Variants in SCAMP1 observed in about 807,000 individuals in gnomAD.
SCAMP1 encodes secretory carrier-associated membrane protein 1.
A neutral mutation model predicts 41.8 loss-of-function variants in SCAMP1; 15 were observed. That is an observed-to-expected ratio of 0.36 (90% CI 0.24 to 0.55). The LOEUF is 0.55. Ranked by LOEUF, SCAMP1 falls within the 20% of genes least tolerant of loss-of-function variation. The probability of loss-of-function intolerance (pLI) is 0.86; values close to 1 mark genes in which losing one functional copy is unlikely to be tolerated. For synonymous variants in SCAMP1, 135 were observed against 136.8 expected (o/e 0.99, Z 0.09); for missense variants, 341 against 412.6 (o/e 0.83, Z 1.50).
chr5:78,414,887 T>G (rs1050012416), intron 2 of SCAMP1, among the ~76,000 whole-genome samples: 1 of 152,042 alleles, frequency 6.6e-6, no homozygotes, highest in Admixed American at 6.5e-5. Context: ...GAGGGAAGAG[T>G]TGGCAGTAAA....
intron 7 of SCAMP1, among the ~76,000 whole-genome samples, chr5:78,452,901 C>G (rs967946842): frequency 1.3e-5 from 2 of 150,254 alleles, no homozygotes; most frequent in Admixed American, 6.6e-5. Context: ...GAGATGATAT[C>G]TCATTGTGGT....
At chr5:78,462,427 T>G (rs1753641023) in intron 8 of SCAMP1, among the ~76,000 whole-genome samples, 1 of 152,200 alleles carries the variant, frequency 6.6e-6, no homozygotes, top group Non-Finnish European at 1.5e-5. Context: ...CCTCCTGGGT[T>G]CAAGCAATTC....
chr5:78,423,471 C>T (rs1053028733), intron 6 of SCAMP1, among the ~76,000 whole-genome samples: 8 of 152,134 alleles, frequency 5.3e-5, no homozygotes, highest in Non-Finnish European at 1.0e-4. Context: ...TAACCTCTGC[C>T]TAATGACCTC....
rs371633563 is a variant in SCAMP1, at chr5:78,369,108, A to G, written c.57+8380A>G. Among the ~76,000 whole-genome samples, 8 of 141,868 alleles carry G rather than the reference A, an allele frequency of 5.6e-5. No individual in the cohort carries two copies. In the South Asian group the frequency reaches 1.6e-3, roughly 28 times the overall value. 93.1% of individuals were successfully genotyped at this position (141,868 alleles called of 152,430 possible). On this transcript the variant is annotated intron_variant, in intron 1 of 8. Transcript: ENST00000621999. ...GTTGGTGGAATAGTCAGGACACACA[A>G]TTTTTTTTTTTTTTTTGAGACAGGG...
At position 78,475,799 on chromosome 5, in the gene SCAMP1, G is replaced by C. The variant is rs912065878; in HGVS notation, c.*131G>C. Reference sequence around the variant, plus strand: ...ATATTTCCTGTTCACTTGTGCATGGGCTAAAACCAGGAAAACTTCCTTGTC... The same window carrying C: ...ATATTTCCTGTTCACTTGTGCATGGCCTAAAACCAGGAAAACTTCCTTGTC... On this transcript the variant is annotated 3_prime_UTR_variant, in exon 9 of 9. Coordinates refer to ENST00000621999, the MANE Select transcript of SCAMP1 (RefSeq NM_004866.6). 20 of 623,668 alleles carry C rather than the reference G, an allele frequency of 3.2e-5. No individual in the cohort carries two copies. Among genetic ancestry groups the C allele is most frequent in the Non-Finnish European group, 4.4e-5 (19 of 429,754 alleles). The allele number at this position is 623,668 out of a possible 1,614,324, so 38.6% of individuals were successfully genotyped here. A position where few individuals can be genotyped will look rare whatever the true frequency, so the allele number is the denominator to read the frequency against.
At chr5:78,465,068 C>A (rs540389899) in intron 8 of SCAMP1, among the ~76,000 whole-genome samples, 1 of 152,168 alleles carries the variant, frequency 6.6e-6, no homozygotes, top group African/African-American at 2.4e-5. Context: ...GACCCAGCTC[C>A]GATCTTGCTG....
At chr5:78,463,481 T>C (rs1312491976) in intron 8 of SCAMP1, among the ~76,000 whole-genome samples, 2 of 152,254 alleles carry the variant, frequency 1.3e-5, no homozygotes, top group Non-Finnish European at 2.9e-5. Flanking sequence ...CATAAACCTT[T>C]AGTTGCATCT....
chr5:78,464,066 C>G (rs1753681189), intron 8 of SCAMP1, among the ~76,000 whole-genome samples: 3 of 152,160 alleles, frequency 2.0e-5, no homozygotes, highest in Non-Finnish European at 4.4e-5. Context: ...CAGCCTCCGC[C>G]TCCCGGGTTC....
At chr5:78,458,884 A>G (rs148961323) in intron 7 of SCAMP1, among the ~76,000 whole-genome samples, 1 of 152,350 alleles carries the variant, frequency 6.6e-6, no homozygotes, top group East Asian at 1.9e-4. Flanking sequence ...TGTCTCAAAA[A>G]AAAGAGTAAT....
At chr5:78,439,029 A>T (rs1752845586) in intron 6 of SCAMP1, among the ~76,000 whole-genome samples, 1 of 152,106 alleles carries the variant, frequency 6.6e-6, no homozygotes, top group South Asian at 2.1e-4. Flanking sequence ...AGAGACTAGG[A>T]TTGCAACCCC....
In SCAMP1 at chr5:78,476,744, C is replaced by G. The variant is rs746700108; in HGVS notation, c.*1076C>G. On this transcript the variant is annotated 3_prime_UTR_variant, in exon 9 of 9. Coordinates refer to ENST00000621999, the MANE Select transcript of SCAMP1 (RefSeq NM_004866.6). ...GGCATTTTTTCACATACTTGAATCC[C>G]TAAATGCACCTGTCTTTCACTTTTT... 3 of 152,426 alleles carry G rather than the reference C, an allele frequency of 2.0e-5. No homozygotes were observed. The highest frequency in any genetic ancestry group is 4.4e-5 in the Non-Finnish European group (3 of 67,942). The allele number at this position is 152,426 out of a possible 1,614,324, so 9.4% of individuals were successfully genotyped here. A position where few individuals can be genotyped will look rare whatever the true frequency, so the allele number is the denominator to read the frequency against.
intron 5 of SCAMP1, 31 bp from the exon 6 acceptor site, chr5:78,421,770 T>C (rs761535176): frequency 2.6e-6 from 4 of 1,566,764 alleles, no homozygotes. Flanking sequence ...TGTAAATCTT[T>C]CTTTTTCTAT....
At chr5:78,391,321 G>T (rs1290603727) in intron 2 of SCAMP1, among the ~76,000 whole-genome samples, 1 of 149,238 alleles carries the variant, frequency 6.7e-6, no homozygotes, top group African/African-American at 2.5e-5. Context: ...GCGGCTGGCC[G>T]GGCAGAGGGG....
At chr5:78,435,817 G>T (rs1752738813) in intron 6 of SCAMP1, among the ~76,000 whole-genome samples, 2 of 152,142 alleles carry the variant, frequency 1.3e-5, no homozygotes, top group Admixed American at 6.5e-5. Flanking sequence ...TTCCACAATG[G>T]TTGAACTAAT....
chr5:78,458,741 G>A (rs537533260), intron 7 of SCAMP1, among the ~76,000 whole-genome samples: 2 of 152,238 alleles, frequency 1.3e-5, no homozygotes, highest in African/African-American at 4.8e-5. Flanking sequence ...GTAGCCAGGC[G>A]TGGTGGCACG....
In SCAMP1 at chr5:78,392,016, A is replaced by ACC. The variant is rs1561257563; in HGVS notation, c.135+3102_135+3103insCC. On this transcript the variant is annotated intron_variant, in intron 2 of 8. Coordinates refer to ENST00000621999, the MANE Select transcript of SCAMP1 (RefSeq NM_004866.6). ...ACCGTGGAAAGAGAGGGAGAGGGAG[A>ACC]GGGAGAGAGAGGGAGAGGGAGACCG... 7.3e-5 allele frequency among the ~76,000 whole-genome samples: 8 copies of ACC among 109,198 alleles called. No individual in the cohort carries two copies. The East Asian group carries it at 1.8e-3, about 25-fold the overall frequency. 71.6% of individuals were successfully genotyped at this position (109,198 alleles called of 152,430 possible).
At chr5:78,456,874 T>C (rs759778593) in intron 7 of SCAMP1, among the ~76,000 whole-genome samples, 4 of 107,556 alleles carry the variant, frequency 3.7e-5, no homozygotes, top group Non-Finnish European at 7.5e-5. Context: ...CTTGGAGGCT[T>C]TGCTCATTTC....
intron 6 of SCAMP1, among the ~76,000 whole-genome samples, chr5:78,445,586 G>C (rs146608834): frequency 6.6e-6 from 1 of 151,898 alleles, no homozygotes; most frequent in African/African-American, 2.4e-5. Flanking sequence ...CTTCCTGCAC[G>C]CAAGACCCAC....
At chr5:78,416,769 A>G (rs1173565967) in intron 4 of SCAMP1, 120 bp downstream of exon 4, 5 of 676,154 alleles carry the variant, frequency 7.4e-6, no homozygotes, top group Middle Eastern at 4.4e-4. Flanking sequence ...TGTTCTAACA[A>G]GGAGATCAGA....
Sources: gnomAD v4.1 joint callset for allele counts (sites outside exome capture counted in the v4.1 genomes callset) on GRCh38, gnomAD v4.1.1 for gene constraint, MANE v1.5 for transcripts, NCBI Gene and HGNC (gene_info 2026-07-23, HGNC 2026-07-21) for gene names.